ATP6V1B2: variants seen among roughly 807,000 people sequenced by gnomAD.
The protein encoded by ATP6V1B2 is ATPase H+ transporting V1 subunit B2, also known as V-type proton ATPase subunit B, brain isoform.
ATP6V1B2 carries 23 observed loss-of-function variants against 66.7 expected under a neutral mutation model. The observed-to-expected ratio is 0.34, with a 90% CI of 0.25 to 0.49. ATP6V1B2 has a LOEUF of 0.49. ATP6V1B2 is among the 20% of genes least tolerant of loss of function. ATP6V1B2 has a pLI of 0.99. For missense variants in ATP6V1B2, 478 were observed against 650.8 expected, an observed-to-expected ratio of 0.73 and a Z score of 2.89; for synonymous variants, 278 against 236.7, an observed-to-expected ratio of 1.17 and a Z score of -1.60.
chr8:20,211,992 A>G (rs186120877), intron 7 of ATP6V1B2, 110 bp from the exon 8 acceptor site: 3 of 1,031,026 alleles, frequency 2.9e-6, no homozygotes, highest in Admixed American at 4.9e-5. Flanking sequence ...TTTTTGGGGT[A>G]CTTGAGGTTT....
chr8:20,217,101 A>G (rs1343715152), intron 11 of ATP6V1B2, 119 bp from the exon 12 acceptor site: 2 of 806,616 alleles, frequency 2.5e-6, no homozygotes, highest in Non-Finnish European at 4.1e-6. Context: ...CTAGGAGACA[A>G]ATGCAGCGGT....
chr8:20,219,926 A>G (rs912199578), intron 13 of ATP6V1B2, among the ~76,000 whole-genome samples: 6 of 152,072 alleles, frequency 3.9e-5, no homozygotes, highest in African/African-American at 1.4e-4. Flanking sequence ...TGTGCTAGGG[A>G]GACTTTTCTT....
intron 2 of ATP6V1B2, among the ~76,000 whole-genome samples, chr8:20,206,511 G>T (rs1260139640): frequency 2.0e-5 from 3 of 152,030 alleles, no homozygotes; most frequent in East Asian, 1.9e-4. Flanking sequence ...CTGATTTAGG[G>T]TATATTAATA....
intron 3 of ATP6V1B2, among the ~76,000 whole-genome samples, chr8:20,210,023 C>G (rs1456098779): frequency 6.7e-6 from 1 of 149,728 alleles, no homozygotes; most frequent in Non-Finnish European, 1.5e-5. Context: ...ACATATTCTT[C>G]TTTTTCTTTC....
intron 1 of ATP6V1B2, 61 bp from the exon 2 acceptor site, chr8:20,204,423 A>G: frequency 6.9e-7 from 1 of 1,448,686 alleles, no homozygotes; most frequent in Non-Finnish European, 9.6e-7. Flanking sequence ...GTAATGCCAG[A>G]GAGCTAATTT....
intron 1 of ATP6V1B2, among the ~76,000 whole-genome samples, chr8:20,199,709 C>T (rs1309002825): frequency 2.1e-5 from 3 of 144,970 alleles, no homozygotes; most frequent in African/African-American, 7.6e-5. Flanking sequence ...CTTCCAGATT[C>T]GAGCAATTCT....
rs368391864 is a variant in ATP6V1B2, at chr8:20,216,504, C to T, written c.1161+9C>T. The stretch of plus-strand genomic sequence containing the variant: ...AGCTGCACAACAGACAGGTACTGGA[C>T]GGGAGCAGTGCTGGGAAGCTTGCAG... On this transcript the variant is annotated intron_variant, in intron 11 of 13. Coordinates refer to ENST00000276390, the MANE Select transcript of ATP6V1B2 (RefSeq NM_001693.4). 304 of 1,611,044 alleles carry T rather than the reference C, an allele frequency of 1.9e-4. No individual in the cohort carries two copies. Among genetic ancestry groups the T allele is most frequent in the Non-Finnish European group, 2.4e-4 (287 of 1,177,666 alleles).
At chr8:20,199,629 G>C in intron 1 of ATP6V1B2, among the ~76,000 whole-genome samples, 1 of 89,218 alleles carries the variant, frequency 1.1e-5, no homozygotes, top group East Asian at 3.5e-4. Flanking sequence ...TTTTTTTTGA[G>C]ATGGAGTCTC....
chr8:20,215,465 G>A (rs550711007), intron 10 of ATP6V1B2: 3 of 152,528 alleles, frequency 2.0e-5, no homozygotes, highest in African/African-American at 7.2e-5. Flanking sequence ...GATGGGGTAC[G>A]ACTATTCAGA....
intron 11 of ATP6V1B2, 101 bp from the exon 12 acceptor site, chr8:20,217,119 G>A: frequency 1.0e-6 from 1 of 993,202 alleles, no homozygotes; most frequent in South Asian, 1.4e-5. Context: ...GGTTGTCTTT[G>A]ATTTAAGTTG....
chr8:20,198,526 C>T (rs1329332743), intron 1 of ATP6V1B2, among the ~76,000 whole-genome samples: 2 of 152,194 alleles, frequency 1.3e-5, no homozygotes, highest in East Asian at 3.8e-4. Context: ...TTCTTCACAG[C>T]TTTCTTCGGA....
intron 11 of ATP6V1B2, chr8:20,216,756 G>C: frequency 3.1e-6 from 1 of 323,756 alleles, no homozygotes. Flanking sequence ...TGGGAATTCT[G>C]TTCCATAATG....
At position 20,211,702 on chromosome 8, in the gene ATP6V1B2, T is replaced by C. The variant is rs2072794798; in HGVS notation, c.654T>C (p.Asp218=). ...RQAGLVKKSK[D]VVDYSEENFA... is the part of the protein sequence containing the mutation. ...CTGGTTTGGTAAAGAAATCCAAAGA[T>C]GTAGTAGACTACAGTGAGGAAAATT... Residue 218 remains aspartate, a synonymous_variant, in exon 7 of 14, where the codon GAT becomes GAC. Coordinates refer to ENST00000276390, the MANE Select transcript of ATP6V1B2 (RefSeq NM_001693.4). 1 of 1,612,860 alleles carries C rather than the reference T, an allele frequency of 6.2e-7. No individual in the cohort carries two copies. The highest frequency in any genetic ancestry group is 8.5e-7 in the Non-Finnish European group (1 of 1,179,672).
intron 2 of ATP6V1B2, among the ~76,000 whole-genome samples, chr8:20,208,250 A>G (rs1309844635): frequency 6.6e-6 from 1 of 152,184 alleles, no homozygotes; most frequent in East Asian, 1.9e-4. Context: ...TTTCTGTGCT[A>G]GTGTAAATTT....
intron 3 of ATP6V1B2, among the ~76,000 whole-genome samples, chr8:20,209,847 T>C (rs1438160208): frequency 6.6e-6 from 1 of 152,040 alleles, no homozygotes; most frequent in Non-Finnish European, 1.5e-5. Context: ...CTTTAAATTA[T>C]CTCATACATT....
chr8:20,219,829 T>C (rs2072890645), intron 13 of ATP6V1B2, among the ~76,000 whole-genome samples: 1 of 152,212 alleles, frequency 6.6e-6, no homozygotes. Context: ...GTTGCATGTA[T>C]TCAGGTGCTT....
chr8:20,202,630 G>A (rs774517686), intron 1 of ATP6V1B2, among the ~76,000 whole-genome samples: 13 of 152,044 alleles, frequency 8.6e-5, no homozygotes, highest in African/African-American at 2.4e-4. Flanking sequence ...ACTTTTGCTC[G>A]TGACTGGCAA....
intron 12 of ATP6V1B2, among the ~76,000 whole-genome samples, chr8:20,217,809 A>G (rs1228944171): frequency 1.3e-5 from 2 of 152,222 alleles, no homozygotes; most frequent in East Asian, 3.8e-4. Context: ...ACTTAGCGAT[A>G]TCACAGATTT....
intron 9 of ATP6V1B2, chr8:20,214,191 C>T (rs932508919): frequency 6.6e-6 from 1 of 152,180 alleles, no homozygotes; most frequent in African/African-American, 2.4e-5. Context: ...TGAACATGCA[C>T]ACCTATAGTC....
Sources: gnomAD v4.1 joint callset for allele counts (sites outside exome capture counted in the v4.1 genomes callset) on GRCh38, gnomAD v4.1.1 for gene constraint, MANE v1.5 for transcripts, NCBI Gene and HGNC (gene_info 2026-07-23, HGNC 2026-07-21) for gene names.